The following FAM178B variants were observed in gnomAD, a reference collection of about 807,000 sequenced individuals.
FAM178B encodes the protein family with sequence similarity 178 member B, also known as protein FAM178B.
In FAM178B, 82 loss-of-function variants were observed where a neutral mutation model predicts 91.7. The ratio of observed to expected loss-of-function variants is 0.89; its 90% CI spans 0.75 to 1.07. The LOEUF is 1.07. Ranked by LOEUF, FAM178B falls within the 50% of genes least tolerant of loss-of-function variation. The pLI, the probability that FAM178B is intolerant of heterozygous loss-of-function variation, is 0.00. For missense variants in FAM178B, 769 were observed against 846.7 expected, an observed-to-expected ratio of 0.91 and a Z score of 1.14; for synonymous variants, 368 against 359.4, an observed-to-expected ratio of 1.02 and a Z score of -0.27.
chr2:96,887,321 A>G (rs903793261), intron 14 of FAM178B, among the ~76,000 whole-genome samples: 4 of 152,190 alleles, frequency 2.6e-5, no homozygotes, highest in African/African-American at 9.7e-5. Context: ...CTCCTGCCTC[A>G]ACCTCTGAAA....
chr2:96,951,960 G>C (rs1331783390), intron 6 of FAM178B: 1 of 168,108 alleles, frequency 5.9e-6, no homozygotes, highest in Non-Finnish European at 1.3e-5. Flanking sequence ...GGTGGAAGTT[G>C]CAGTGAGCCA....
At chr2:96,939,050 A>G (rs977289575) in intron 8 of FAM178B, 5 of 152,232 alleles carry the variant, frequency 3.3e-5, no homozygotes, top group Admixed American at 1.3e-4. Context: ...TAAAAATACA[A>G]AAATTAGACG....
At chr2:96,941,394 G>T (rs1424039595) in intron 8 of FAM178B, among the ~76,000 whole-genome samples, 1 of 152,142 alleles carries the variant, frequency 6.6e-6, no homozygotes, top group African/African-American at 2.4e-5. Context: ...GAGTGGGAAG[G>T]AGGAATAAAG....
intron 1 of FAM178B, among the ~76,000 whole-genome samples, chr2:96,979,030 G>A (rs1407195868): frequency 7.1e-6 from 1 of 140,956 alleles, no homozygotes; most frequent in Non-Finnish European, 1.5e-5. Flanking sequence ...AGGCTGGAGT[G>A]CAGTGGTGTG....
At chr2:96,885,645 C>A (rs911205760) in intron 14 of FAM178B, among the ~76,000 whole-genome samples, 4 of 152,224 alleles carry the variant, frequency 2.6e-5, no homozygotes, top group African/African-American at 4.8e-5. Context: ...GCACTGGAGG[C>A]AAATCCTTGC....
chr2:96,930,958 G>A (rs2081529877), intron 8 of FAM178B, among the ~76,000 whole-genome samples: 1 of 152,110 alleles, frequency 6.6e-6, no homozygotes, highest in South Asian at 2.1e-4. Flanking sequence ...CAAATTTGCT[G>A]GTACCTTGAT....
At chr2:96,914,445 A>G (rs1003131053) in intron 12 of FAM178B, among the ~76,000 whole-genome samples, 2 of 152,250 alleles carry the variant, frequency 1.3e-5, no homozygotes, top group African/African-American at 4.8e-5. Flanking sequence ...AAGGGGCCTT[A>G]GCGGCCACCT....
At chr2:96,920,087 G>C (rs1288520381) in intron 12 of FAM178B, among the ~76,000 whole-genome samples, 2 of 152,158 alleles carry the variant, frequency 1.3e-5, no homozygotes, top group African/African-American at 4.8e-5. Context: ...ATTCTAGGCA[G>C]GAGGAGCTGC....
At chr2:96,946,477 G>C (rs6707255) in intron 8 of FAM178B, among the ~76,000 whole-genome samples, 121,517 of 152,236 alleles carry the variant, frequency 0.8, 49,996 homozygotes, top group African/African-American at 0.94. Flanking sequence ...ATGGAATTCT[G>C]TAGGCCAGTC....
At chr2:96,981,567 C>T (rs1214756030) in intron 1 of FAM178B, among the ~76,000 whole-genome samples, 7 of 151,760 alleles carry the variant, frequency 4.6e-5, no homozygotes, top group Admixed American at 2.6e-4. Context: ...CTGGCCAACA[C>T]GTGAAACCCC....
At chr2:96,939,821 G>A (rs544087354) in intron 8 of FAM178B, among the ~76,000 whole-genome samples, 20 of 152,176 alleles carry the variant, frequency 1.3e-4, no homozygotes, top group Non-Finnish European at 2.8e-4. Flanking sequence ...GGGTTGTTGT[G>A]GTGATTAAAT....
chr2:96,965,893 A>G (rs2082136714), intron 5 of FAM178B, among the ~76,000 whole-genome samples: 1 of 151,700 alleles, frequency 6.6e-6, no homozygotes, highest in African/African-American at 2.4e-5. Flanking sequence ...TGTCACTTCT[A>G]CCCTGAAAAT....
intron 1 of FAM178B, among the ~76,000 whole-genome samples, chr2:96,978,861 G>A (rs766073274): frequency 4.0e-4 from 60 of 151,728 alleles, no homozygotes; most frequent in Non-Finnish European, 7.4e-4. Flanking sequence ...TCCTGACCTC[G>A]TGATCCGCCC....
At chr2:96,978,974 C>CTT (rs559416706) in intron 1 of FAM178B, among the ~76,000 whole-genome samples, 1 of 56,774 alleles carries the variant, frequency 1.8e-5, no homozygotes, top group African/African-American at 5.1e-5. Context: ...GTATGTATCA[C>CTT]TTTTTTTTTT....
Position 96,921,302 on chromosome 2 carries a change from C to T in FAM178B, c.1465-40G>A, listed in dbSNP as rs748242637. 99 of 1,540,074 alleles carry T rather than the reference C, an allele frequency of 6.4e-5. 1 individual carries two copies. Among genetic ancestry groups the T allele is most frequent in the Middle Eastern group, 5.1e-4 (3 of 5,840 alleles). On this transcript the variant is annotated intron_variant, in intron 11 of 16. Coordinates refer to ENST00000490605, the MANE Select transcript of FAM178B (RefSeq NM_001122646.3). ...CACCCCATGGGCTACAGGAGGACAC[C>T]GCCTTCCCCTTGCTCTCGCCACCCA...
intron 1 of FAM178B, among the ~76,000 whole-genome samples, chr2:96,975,753 A>C (rs930329969): frequency 2.0e-5 from 3 of 152,252 alleles, no homozygotes; most frequent in African/African-American, 7.2e-5. Context: ...GTACCATAGA[A>C]AAACATGTTA....
chr2:96,950,527 C>T (rs1201088567), intron 7 of FAM178B, among the ~76,000 whole-genome samples: 11 of 152,202 alleles, frequency 7.2e-5, no homozygotes, highest in African/African-American at 1.7e-4. Flanking sequence ...CTCTGATTTA[C>T]AGCTGGGGTC....
In FAM178B at chr2:96,951,428, T is replaced by C. The variant is rs1161827393; in HGVS notation, c.944A>G (p.Tyr315Cys). 5 of 1,551,260 alleles carry C rather than the reference T, an allele frequency of 3.2e-6. No individual in the cohort carries two copies. Among genetic ancestry groups the C allele is most frequent in the Non-Finnish European group, 4.4e-6 (5 of 1,146,888 alleles). ...TACCGGGCAGTCAGGCATGTGCAGG[T>C]AGAGGATGTTCAGGAGGCCACTGCG... is the stretch of plus-strand genomic sequence containing the variant. ...FLRSGLLNIL[Y>C]LHMPDCPVSL... The change falls in exon 7 of 17, where the codon TAC becomes TGC. Residue 315 changes from tyrosine (Y) to cysteine (C), a missense_variant. By Grantham distance (194) the Tyr-to-Cys change is radical. Transcript: ENST00000490605.
chr2:96,883,646 G>T (rs2080445443), intron 14 of FAM178B, among the ~76,000 whole-genome samples: 1 of 152,190 alleles, frequency 6.6e-6, no homozygotes, highest in Non-Finnish European at 1.5e-5. Flanking sequence ...GGCTGACCCA[G>T]GAACACCTGC....
Sources: gnomAD v4.1 joint callset for allele counts (sites outside exome capture counted in the v4.1 genomes callset) on GRCh38, gnomAD v4.1.1 for gene constraint, MANE v1.5 for transcripts, NCBI Gene and HGNC (gene_info 2026-07-23, HGNC 2026-07-21) for gene names.